Variants in NLRP1 observed in about 807,000 individuals in gnomAD.
NLRP1 encodes the protein NLR family pyrin domain containing 1.
A neutral mutation model predicts 136.7 loss-of-function variants in NLRP1; 94 were observed. That is an observed-to-expected ratio of 0.69 (90% CI 0.58 to 0.82). The LOEUF is 0.82. Among genes scored for constraint, NLRP1 ranks in the 40% least tolerant of loss-of-function variants. The probability of loss-of-function intolerance (pLI) is 0.00; values close to 1 mark genes in which losing one functional copy is unlikely to be tolerated. For missense variants in NLRP1, 1,575 were observed against 1,802.7 expected, an observed-to-expected ratio of 0.87 and a Z score of 2.29; for synonymous variants, 690 against 725.1, an observed-to-expected ratio of 0.95 and a Z score of 0.78.
intron 5 of NLRP1, among the ~76,000 whole-genome samples, chr17:5,542,409 C>T (rs113552082): frequency 8.9e-4 from 135 of 152,100 alleles, no homozygotes; most frequent in Middle Eastern, 3.4e-3. Context: ...ACAGTTCCAC[C>T]TAAGGTCTCT....
chr17:5,578,638 T>C (rs544875768), intron 3 of NLRP1, among the ~76,000 whole-genome samples: 3 of 152,242 alleles, frequency 2.0e-5, no homozygotes, highest in East Asian at 1.9e-4. Context: ...TGTGGAGAAA[T>C]AGGAACACTT....
rs146030920 is a variant in NLRP1, at chr17:5,558,653, C to T, written c.2043G>A (p.Glu681=). ...TRFLLGLLSD[E]GEREMENIFH... ...AGATGTTCTCCATCTCTCTCTCCCC[C>T]TCATCACTTAACAGGCCCAATAGGA... Residue 681 remains glutamate, a synonymous_variant, in exon 4 of 17, where the codon GAG becomes GAA. Coordinates refer to ENST00000572272, the MANE Select transcript of NLRP1 (RefSeq NM_033004.4). 132 of 1,614,022 alleles carry T rather than the reference C, an allele frequency of 8.2e-5. No individual in the cohort carries two copies. The highest frequency in any genetic ancestry group is 9.9e-5 in the Non-Finnish European group (117 of 1,180,032).
downstream of NLRP1, among the ~76,000 whole-genome samples, chr17:5,510,887 C>A (rs1207940066): frequency 6.6e-6 from 1 of 152,094 alleles, no homozygotes; most frequent in Non-Finnish European, 1.5e-5. Flanking sequence ...TTATCACTGG[C>A]ACCTACAACA....
chr17:5,512,386 C>T (rs752581497), downstream of NLRP1: 22 of 1,091,908 alleles, frequency 2.0e-5, 1 homozygote, highest in East Asian at 6.9e-5. Flanking sequence ...ACACTTGTAA[C>T]ATCTTCTAGT....
chr17:5,579,260 A>T (rs1003415169), intron 3 of NLRP1, among the ~76,000 whole-genome samples: 7 of 69,252 alleles, frequency 1.0e-4, no homozygotes, highest in African/African-American at 4.0e-4. Flanking sequence ...TAAAGTATTA[A>T]AAAAAAAAAA....
At chr17:5,560,629 A>G (rs1046530003) in intron 3 of NLRP1, among the ~76,000 whole-genome samples, 1 of 152,122 alleles carries the variant, frequency 6.6e-6, no homozygotes, top group Non-Finnish European at 1.5e-5. Flanking sequence ...CCCTTAGTGG[A>G]TGACAGGTGG....
intron 5 of NLRP1, among the ~76,000 whole-genome samples, chr17:5,543,263 A>G (rs1001412587): frequency 4.6e-5 from 7 of 152,230 alleles, no homozygotes; most frequent in African/African-American, 1.7e-4. Context: ...CTGAAGGCAG[A>G]GGAATGAGTG....
chr17:5,562,325 A>G (rs931307969), intron 3 of NLRP1, among the ~76,000 whole-genome samples: 2 of 152,222 alleles, frequency 1.3e-5, no homozygotes, highest in African/African-American at 4.8e-5. Context: ...TATCACTGAC[A>G]GAGGTGAGAT....
At position 5,521,610 on chromosome 17, in the gene NLRP1, AG is replaced by A; in HGVS notation, c.3696del (p.Ser1233LeufsTer20). The A allele has an allele frequency of 6.2e-7, 1 of 1,614,146 alleles. No homozygotes were observed. The highest frequency in any genetic ancestry group is 8.5e-7 in the Non-Finnish European group (1 of 1,180,020). On this transcript the variant is annotated frameshift_variant, in exon 13 of 17. Coordinates refer to ENST00000572272, the MANE Select transcript of NLRP1 (RefSeq NM_033004.4). LOFTEE classifies it high-confidence loss of function. The stretch of plus-strand genomic sequence containing the variant: ...ACGCGGTGGTAAAGCAACACCACAG[AG>A]GTGACGGGAATGAAGCGCAGGGCAT... ...IHNALRFIPVTSVVLLYHRVH... is the reference protein window; with the variant it reads ...IHNALRFIPVXSVVLLYHRVH...
rs751661299 is a variant in NLRP1 at position 5,559,622 on chromosome 17, C to T, written c.1074G>A (p.Gly358=). Residue 358 remains glycine (G), a synonymous_variant, in exon 4 of 17, where the codon GGG becomes GGA. Transcript: ENST00000572272. ...AGTAGAAGACATGCTGGAAGCGGTC[C>T]CCATACAGCTGGCCTCTCCCCCAGG... ...KEAWGRGQLY[G]DRFQHVFYFS... 6.2e-7 allele frequency: 1 copy of T among 1,614,214 alleles called. No homozygotes were observed. Among genetic ancestry groups the T allele is most frequent in the South Asian group, 1.1e-5 (1 of 91,090 alleles).
At chr17:5,550,583 A>G (rs991999733) in intron 5 of NLRP1, among the ~76,000 whole-genome samples, 2 of 152,040 alleles carry the variant, frequency 1.3e-5, no homozygotes, top group Non-Finnish European at 2.9e-5. Flanking sequence ...ATCTTCTTAC[A>G]TTTTAGTTAG....
chr17:5,540,583 C>T lies in NLRP1; in HGVS notation c.2700-998G>A, dbSNP rs118160657. ...TTTGAGGTCAGACCTGGCTTCAAATCCTGGTGCAGCTACTTCCTGGCTATG... is the reference window on the plus strand; with the variant it reads ...TTTGAGGTCAGACCTGGCTTCAAATTCTGGTGCAGCTACTTCCTGGCTATG... On this transcript the variant is annotated intron_variant, in intron 6 of 16. Coordinates refer to ENST00000572272, the MANE Select transcript of NLRP1 (RefSeq NM_033004.4). Among the ~76,000 whole-genome samples the T allele has an allele frequency of 8.6e-3, 1,315 of 152,282 alleles. 13 individuals carry two copies. The highest frequency in any genetic ancestry group is 0.014 in the Non-Finnish European group (931 of 68,022).
At chr17:5,533,055 G>GT in intron 10 of NLRP1, 71 bp from the exon 11 acceptor site, 1 of 1,500,242 alleles carries the variant, frequency 6.7e-7, no homozygotes, top group African/African-American at 1.4e-5. Flanking sequence ...TGGCTGCACT[G>GT]TAAGGGGCCC....
chr17:5,536,150 C>CTT (rs753363124), intron 8 of NLRP1, among the ~76,000 whole-genome samples: 6,976 of 149,464 alleles, frequency 0.047, 181 homozygotes, highest in Middle Eastern at 0.083. Context: ...TTTTCTTGTT[C>CTT]TTTTTTTTTT....
chr17:5,514,700 A>G lies in NLRP1; in HGVS notation c.*54T>C. 1 of 1,596,188 alleles carries G rather than the reference A, an allele frequency of 6.3e-7. No homozygotes were observed. The highest frequency in any genetic ancestry group is 1.3e-5 in the African/African-American group (1 of 74,554). Reference sequence around the variant, plus strand: ...TTTGCAGAGAAAGAAACTGAGACCCAAAGAAGGGTCAGCCAAAGCCAGGAC... The same window carrying G: ...TTTGCAGAGAAAGAAACTGAGACCCGAAGAAGGGTCAGCCAAAGCCAGGAC... On this transcript the variant is annotated 3_prime_UTR_variant, in exon 17 of 17. Coordinates refer to ENST00000572272, the MANE Select transcript of NLRP1 (RefSeq NM_033004.4).
intron 5 of NLRP1, among the ~76,000 whole-genome samples, chr17:5,550,534 G>A (rs966709691): frequency 2.0e-5 from 3 of 152,040 alleles, no homozygotes; most frequent in Non-Finnish European, 4.4e-5. Context: ...AAGTTCAATT[G>A]TGATACCCCA....
intron 3 of NLRP1, among the ~76,000 whole-genome samples, chr17:5,572,333 T>A (rs1904461805): frequency 6.6e-6 from 1 of 151,980 alleles, no homozygotes; most frequent in Non-Finnish European, 1.5e-5. Flanking sequence ...TGGGAGAAAA[T>A]ATTTGCAAAC....
At chr17:5,542,881 G>C (rs996876888) in intron 5 of NLRP1, among the ~76,000 whole-genome samples, 1 of 151,640 alleles carries the variant, frequency 6.6e-6, no homozygotes, top group Non-Finnish European at 1.5e-5. Flanking sequence ...CCAGGCTGGA[G>C]TGCAGTGGCG....
intron 12 of NLRP1, among the ~76,000 whole-genome samples, chr17:5,522,565 A>G (rs1909033951): frequency 6.6e-6 from 1 of 152,230 alleles, no homozygotes; most frequent in Non-Finnish European, 1.5e-5. Flanking sequence ...TTGTTATAGC[A>G]GCCTGAACAG....
Sources: allele counts gnomAD v4.1 joint callset (sites outside exome capture counted in the v4.1 genomes callset), GRCh38; gene constraint gnomAD v4.1.1; transcripts MANE v1.5; gene names NCBI Gene and HGNC (gene_info 2026-07-23, HGNC 2026-07-21).